The following PIP4K2A variants were observed in gnomAD, a reference collection of about 807,000 sequenced individuals.
PIP4K2A encodes the protein phosphatidylinositol-5-phosphate 4-kinase type 2 alpha.
A neutral mutation model predicts 42.9 loss-of-function variants in PIP4K2A; 14 were observed. The ratio of observed to expected loss-of-function variants is 0.33; its 90% CI spans 0.22 to 0.51. The LOEUF is 0.51. Ranked by LOEUF, PIP4K2A falls within the 20% of genes least tolerant of loss-of-function variation. The pLI, the probability that PIP4K2A is intolerant of heterozygous loss-of-function variation, is 0.97. For missense variants in PIP4K2A, 434 were observed against 519.8 expected (o/e 0.83, Z 1.61); for synonymous variants, 192 against 192.2 (o/e 1.00, Z 0.01).
chr10:22,671,544 A>G (rs1289772649), intron 1 of PIP4K2A, among the ~76,000 whole-genome samples: 1 of 152,148 alleles, frequency 6.6e-6, no homozygotes, highest in Non-Finnish European at 1.5e-5. Context: ...GTCCTGCCAC[A>G]TGGGCCACAT....
chr10:22,685,771 A>G (rs936739389), intron 1 of PIP4K2A, among the ~76,000 whole-genome samples: 26 of 151,994 alleles, frequency 1.7e-4, no homozygotes, highest in Non-Finnish European at 3.1e-4. Context: ...GCAGGGAGGG[A>G]GAAAGAGAAA....
intron 1 of PIP4K2A, among the ~76,000 whole-genome samples, chr10:22,674,845 C>A (rs1433595332): frequency 6.6e-6 from 1 of 151,922 alleles, no homozygotes; most frequent in African/African-American, 2.4e-5. Flanking sequence ...TGCCTATGGT[C>A]GTAGCTACTC....
chr10:22,616,713 A>G (rs1441707717), intron 1 of PIP4K2A, among the ~76,000 whole-genome samples: 4 of 152,224 alleles, frequency 2.6e-5, no homozygotes, highest in African/African-American at 9.6e-5. Flanking sequence ...AAAAGTAATT[A>G]AGTACATGTT....
intron 1 of PIP4K2A, among the ~76,000 whole-genome samples, chr10:22,695,362 G>A (rs1839948363): frequency 1.3e-5 from 2 of 152,118 alleles, no homozygotes; most frequent in South Asian, 4.1e-4. Context: ...CTGCTAAGAT[G>A]CAATAAAAAC....
chr10:22,610,096 GC>G (rs1481557153), intron 1 of PIP4K2A, among the ~76,000 whole-genome samples: 1 of 152,170 alleles, frequency 6.6e-6, no homozygotes, highest in African/African-American at 2.4e-5. Context: ...GAGAAAGAAA[GC>G]TTTTAAATTT....
rs1217331455 is a variant in PIP4K2A at position 22,714,249 on chromosome 10, C to T, written c.78G>A (p.Gln26=). 2.5e-6 allele frequency: 4 copies of T among 1,612,734 alleles called. No homozygotes were observed. The highest frequency in any genetic ancestry group is 4.5e-5 in the East Asian group (2 of 44,700). Residue 26 remains glutamine (Q), a synonymous_variant, in exon 1 of 10, where the codon CAG becomes CAA. Transcript: ENST00000376573. ...TKTKKKHFVA[Q]KVKLFRASDP... ...CGCTGGCCCGAAACAGCTTCACTTTCTGCGCTACGAAGTGCTTCTTCTTGG... is the reference window on the plus strand; with the variant it reads ...CGCTGGCCCGAAACAGCTTCACTTTTTGCGCTACGAAGTGCTTCTTCTTGG...
intron 9 of PIP4K2A, among the ~76,000 whole-genome samples, chr10:22,538,130 C>T (rs1365458431): frequency 6.6e-6 from 1 of 152,244 alleles, no homozygotes; most frequent in Non-Finnish European, 1.5e-5. Flanking sequence ...TTTAGACACC[C>T]ATGTTCACCG....
chr10:22,614,657 T>C (rs1419272378), intron 1 of PIP4K2A, among the ~76,000 whole-genome samples: 1 of 152,206 alleles, frequency 6.6e-6, no homozygotes, highest in Non-Finnish European at 1.5e-5. Context: ...TGAGCCTCTA[T>C]ATTATTTTTT....
intron 3 of PIP4K2A, among the ~76,000 whole-genome samples, chr10:22,596,201 G>A (rs112360214): frequency 0.06 from 1,328 of 22,132 alleles, 30 homozygotes; most frequent in African/African-American, 0.18. Context: ...GCAAAACTCC[G>A]TCTCAAAAAA....
At chr10:22,623,115 CAG>C (rs937441583) in intron 1 of PIP4K2A, among the ~76,000 whole-genome samples, 33 of 151,844 alleles carry the variant, frequency 2.2e-4, no homozygotes, top group African/African-American at 7.0e-4. Context: ...AGAAATAGTG[CAG>C]AGTGAGAAAA....
chr10:22,609,582 G>T, intron 2 of PIP4K2A, 38 bp downstream of exon 2: 1 of 1,140,994 alleles, frequency 8.8e-7, no homozygotes, highest in Non-Finnish European at 1.3e-6. Flanking sequence ...ACTCCTAGCA[G>T]CCACGCTAGT....
chr10:22,565,378 A>T (rs1271206764), intron 6 of PIP4K2A, among the ~76,000 whole-genome samples: 1 of 152,214 alleles, frequency 6.6e-6, no homozygotes, highest in Non-Finnish European at 1.5e-5. Context: ...GACATTTATT[A>T]GTTCCCTAAA....
chr10:22,597,632 T>C (rs1358398775), intron 3 of PIP4K2A, among the ~76,000 whole-genome samples: 1 of 151,748 alleles, frequency 6.6e-6, no homozygotes, highest in Non-Finnish European at 1.5e-5. Context: ...GCACTCTCTA[T>C]ACTACTAAGC....
chr10:22,699,710 C>T (rs1833677171), intron 1 of PIP4K2A, among the ~76,000 whole-genome samples: 1 of 152,096 alleles, frequency 6.6e-6, no homozygotes, highest in African/African-American at 2.4e-5. Context: ...CTTTGGGAAA[C>T]TTGCAGCCTG....
chr10:22,649,235 T>G (rs1207611929), intron 1 of PIP4K2A, among the ~76,000 whole-genome samples: 1 of 152,266 alleles, frequency 6.6e-6, no homozygotes, highest in Admixed American at 6.5e-5. Context: ...TATGAATAAT[T>G]TAACATGTTC....
At chr10:22,562,505 C>T (rs971406129) in intron 6 of PIP4K2A, among the ~76,000 whole-genome samples, 34 of 152,136 alleles carry the variant, frequency 2.2e-4, no homozygotes, top group Non-Finnish European at 4.7e-4. Flanking sequence ...GCTGAGATTG[C>T]ACCACTGCAC....
At chr10:22,640,853 TACATAA>T (rs1287653926) in intron 1 of PIP4K2A, among the ~76,000 whole-genome samples, 4 of 152,284 alleles carry the variant, frequency 2.6e-5, no homozygotes, top group African/African-American at 9.6e-5. Flanking sequence ...TTTAATATTC[TACATAA>T]ACATAGAGCA....
chr10:22,684,909 C>T (rs1197156164), intron 1 of PIP4K2A, among the ~76,000 whole-genome samples: 1 of 152,188 alleles, frequency 6.6e-6, no homozygotes, highest in East Asian at 1.9e-4. Flanking sequence ...AGCTGCTTCA[C>T]TTTTGTGTTC....
At chr10:22,655,025 G>A (rs1397041282) in intron 1 of PIP4K2A, among the ~76,000 whole-genome samples, 1 of 151,984 alleles carries the variant, frequency 6.6e-6, no homozygotes, top group Non-Finnish European at 1.5e-5. Flanking sequence ...GGACCACCTG[G>A]GGCCAGGAGT....
Sources: gnomAD v4.1 joint callset for allele counts (sites outside exome capture counted in the v4.1 genomes callset) on GRCh38, gnomAD v4.1.1 for gene constraint, MANE v1.5 for transcripts, NCBI Gene and HGNC (gene_info 2026-07-23, HGNC 2026-07-21) for gene names.